The following FDFT1 variants were observed in gnomAD, a reference collection of about 807,000 sequenced individuals.
FDFT1 encodes the protein farnesyl-diphosphate farnesyltransferase 1, also known as squalene synthase.
Under a neutral mutation model 46.8 loss-of-function variants are expected in FDFT1, and 68 were observed. That is an observed-to-expected ratio of 1.45 (90% CI 1.19 to 1.78). The LOEUF is 1.78. Among genes scored for constraint, FDFT1 ranks in the 40% most tolerant of loss-of-function variants. The pLI is 0.00. For synonymous variants in FDFT1, 351 were observed against 185.1 expected (o/e 1.90, Z -7.28); for missense variants, 928 against 524.4 (o/e 1.77, Z -7.52).
chr8:11,830,208 A>G, intron 5 of FDFT1, 36 bp from the exon 6 acceptor site: 1 of 1,539,056 alleles, frequency 6.5e-7, no homozygotes. Flanking sequence ...CCCTATGCAC[A>G]CGCTGACCTG....
At chr8:11,821,641 G>C in intron 3 of FDFT1, 109 bp from the exon 4 acceptor site, 1 of 1,299,436 alleles carries the variant, frequency 7.7e-7, no homozygotes, top group Non-Finnish European at 1.1e-6. Context: ...TAGGCTTATA[G>C]ATGAACCATT....
intron 3 of FDFT1, among the ~76,000 whole-genome samples, chr8:11,815,911 C>G (rs1218111797): frequency 4.6e-5 from 7 of 152,114 alleles, no homozygotes; most frequent in Non-Finnish European, 8.8e-5. Flanking sequence ...GTTGCCATTG[C>G]TTTTGGTGTT....
chr8:11,821,768 A>T lies in FDFT1; in HGVS notation c.400A>T (p.Asn134Tyr). 6.2e-7 allele frequency: 1 copy of T among 1,613,476 alleles called. No homozygotes were observed. Among genetic ancestry groups the T allele is most frequent in the Non-Finnish European group, 8.5e-7 (1 of 1,179,556 alleles). ...ATTTCAGATCTCCCTTGAGTTTAGA[A>T]ATCTGGCTGAGAAATACCAAACAGT... is the stretch of plus-strand genomic sequence containing the variant. ...DFPTISLEFR[N>Y]LAEKYQTVIA... Residue 134 changes from asparagine to tyrosine, a missense_variant, in exon 4 of 8, where the codon AAT (asparagine) becomes TAT (tyrosine). By Grantham distance (143) the Asn-to-Tyr change is moderately radical (BLOSUM62 -2). Transcript: ENST00000220584.
At chr8:11,834,922 G>C (rs780076777) in intron 7 of FDFT1, among the ~76,000 whole-genome samples, 47 of 152,168 alleles carry the variant, frequency 3.1e-4, no homozygotes, top group Non-Finnish European at 1.8e-4. Context: ...TAAGGAGTTC[G>C]AGACCAGCCT....
At chr8:11,803,417 C>T in intron 1 of FDFT1, 2 of 1,288,658 alleles carry the variant, frequency 1.6e-6, no homozygotes, top group South Asian at 2.5e-5. Flanking sequence ...CCTTCCATCG[C>T]TTCATCCTCG....
At chr8:11,834,707 G>T (rs1214132309) in intron 7 of FDFT1, among the ~76,000 whole-genome samples, 3 of 152,248 alleles carry the variant, frequency 2.0e-5, no homozygotes, top group African/African-American at 7.2e-5. Flanking sequence ...CATATTCGCA[G>T]TTGTAAGTAG....
At position 11,838,469 on chromosome 8, in the gene FDFT1, C is replaced by G. The variant is rs1368145226; in HGVS notation, c.1114C>G (p.Pro372Ala). Reference protein sequence around the residue: ...IISTIRTQNLPNCQLISRSHY... With the variant: ...IISTIRTQNLANCQLISRSHY... ...CTCCACCATCCGGACGCAGAATCTT[C>G]CCAACTGTCAGCTGATTTCCCGAAG... Residue 372 changes from proline to alanine, a missense_variant, in exon 8 of 8, where the codon CCC becomes GCC. Transcript: ENST00000220584. The G allele has an allele frequency of 3.1e-6, 5 of 1,606,654 alleles. No homozygotes were observed. The highest frequency in any genetic ancestry group is 1.3e-5 in the African/African-American group (1 of 74,728).
Position 11,815,929 on chromosome 8 carries a change from T to G in FDFT1, c.382-5821T>G, listed in dbSNP as rs375448154. On this transcript the variant is annotated intron_variant, in intron 3 of 7. Transcript: ENST00000220584. ...GCCATTGCTTTTGGTGTTTTAGTCATGAAGTCTTTGCCCATGCCTATGTCC... is the reference window on the plus strand; with the variant it reads ...GCCATTGCTTTTGGTGTTTTAGTCAGGAAGTCTTTGCCCATGCCTATGTCC... Among the ~76,000 whole-genome samples, 4 of 152,236 alleles carry G rather than the reference T, an allele frequency of 2.6e-5. No individual in the cohort carries two copies. In the East Asian group the frequency reaches 5.8e-4, roughly 22 times the overall value.
At position 11,802,788 on chromosome 8, in the gene FDFT1, C is replaced by T. The variant is rs780558910; in HGVS notation, c.-45C>T. 3.4e-6 allele frequency: 5 copies of T among 1,487,138 alleles called. No homozygotes were observed. Among genetic ancestry groups the T allele is most frequent in the South Asian group, 2.4e-5 (2 of 85,062 alleles). 92.1% of individuals were successfully genotyped at this position (1,487,138 alleles called of 1,614,324 possible). ...AGCCGGCCGGTGAGCGCCTGGGGACCGCAGAGGTGAGAGTCGCGCCCGGGA... is the reference window on the plus strand; with the variant it reads ...AGCCGGCCGGTGAGCGCCTGGGGACTGCAGAGGTGAGAGTCGCGCCCGGGA... On this transcript the variant is annotated 5_prime_UTR_variant, in exon 1 of 8. Transcript: ENST00000220584.
In FDFT1 at chr8:11,838,843, T is replaced by G; in HGVS notation, c.*234T>G. 1 of 535,040 alleles carries G rather than the reference T, an allele frequency of 1.9e-6. No individual in the cohort carries two copies. Among genetic ancestry groups the G allele is most frequent in the South Asian group, 2.0e-5 (1 of 49,124 alleles). The allele number at this position is 535,040 out of a possible 1,614,324, so 33.1% of individuals were successfully genotyped here. A position where few individuals can be genotyped will look rare whatever the true frequency, so the allele number is the denominator to read the frequency against. On this transcript the variant is annotated 3_prime_UTR_variant, in exon 8 of 8. Coordinates refer to ENST00000220584, the MANE Select transcript of FDFT1 (RefSeq NM_004462.5). ...TGGGTGATGATCACTGTGCTGCTTGTGGCTCATGGCAGAGCATTCAGTGCC... is the reference window on the plus strand; with the variant it reads ...TGGGTGATGATCACTGTGCTGCTTGGGGCTCATGGCAGAGCATTCAGTGCC...
chr8:11,796,403 A>T (rs1805573654), intron 1 of FDFT1, among the ~76,000 whole-genome samples: 1 of 152,192 alleles, frequency 6.6e-6, no homozygotes, highest in Non-Finnish European at 1.5e-5. Context: ...GAATACAGAA[A>T]GTTCAGGTTG....
At chr8:11,802,978 G>A in intron 1 of FDFT1, 47 bp downstream of exon 1, 1 of 1,558,130 alleles carries the variant, frequency 6.4e-7, no homozygotes, top group Non-Finnish European at 8.7e-7. Context: ...GGAGCTCGCT[G>A]GGCCGGCCTC....
At chr8:11,814,571 T>C (rs1297819181) in intron 3 of FDFT1, among the ~76,000 whole-genome samples, 7 of 152,230 alleles carry the variant, frequency 4.6e-5, no homozygotes, top group Non-Finnish European at 1.0e-4. Flanking sequence ...CCCATGGTGT[T>C]TTTGTATTGT....
At chr8:11,802,363 C>G (rs538445210), upstream of FDFT1, 3 of 448,120 alleles carry the variant, frequency 6.7e-6, no homozygotes, top group East Asian at 7.0e-5. Context: ...CCCCGCACTG[C>G]TCTCCCGACT....
At chr8:11,831,093 G>A (rs770321384) in intron 6 of FDFT1, among the ~76,000 whole-genome samples, 1 of 151,996 alleles carries the variant, frequency 6.6e-6, no homozygotes, top group East Asian at 1.9e-4. Context: ...TCTCCCCCTG[G>A]CATTGGTTTT....
intron 3 of FDFT1, among the ~76,000 whole-genome samples, chr8:11,811,702 GA>G (rs1807736799): frequency 6.6e-6 from 1 of 152,228 alleles, no homozygotes; most frequent in Non-Finnish European, 1.5e-5. Context: ...CCATCCTCTT[GA>G]AAGCACAGTT....
chr8:11,824,365 T>C (rs935453790), intron 4 of FDFT1, among the ~76,000 whole-genome samples: 6 of 152,220 alleles, frequency 3.9e-5, no homozygotes, highest in Non-Finnish European at 5.9e-5. Flanking sequence ...CTGAAATCTC[T>C]GTTGAGAGAG....
At chr8:11,798,511 C>A (rs1473457616), upstream of FDFT1, among the ~76,000 whole-genome samples, 1 of 152,146 alleles carries the variant, frequency 6.6e-6, no homozygotes, top group African/African-American at 2.4e-5. Flanking sequence ...TTCTTGGACT[C>A]CACAGGACTT....
chr8:11,834,189 C>T (rs1204199691), intron 7 of FDFT1, among the ~76,000 whole-genome samples: 1 of 152,186 alleles, frequency 6.6e-6, no homozygotes, highest in East Asian at 1.9e-4. Context: ...CAGAGGACCT[C>T]CTCATGCTTC....
Sources: gnomAD v4.1 joint callset for allele counts (sites outside exome capture counted in the v4.1 genomes callset) on GRCh38, gnomAD v4.1.1 for gene constraint, MANE v1.5 for transcripts, NCBI Gene and HGNC (gene_info 2026-07-23, HGNC 2026-07-21) for gene names.